RANBP2: variants seen among roughly 807,000 people sequenced by gnomAD.
The protein encoded by RANBP2 is RAN binding protein 2, also known as E3 SUMO-protein ligase RanBP2.
A neutral mutation model predicts 303.6 loss-of-function variants in RANBP2; 57 were observed. The ratio of observed to expected loss-of-function variants is 0.19; its 90% confidence interval spans 0.15 to 0.23. The LOEUF is 0.23. Among genes scored for constraint, RANBP2 ranks in the 10% least tolerant of loss-of-function variants. The pLI is 1.00. For synonymous variants in RANBP2, 1,167 were observed against 1,301.5 expected (o/e 0.90, Z 2.23); for missense variants, 3,138 against 3,780.8 (o/e 0.83, Z 4.46).
the RANBP2 span, among the ~76,000 whole-genome samples, chr2:109,583,500 G>A: frequency 4.6e-4 from 70 of 152,256 alleles, no homozygotes; most frequent in Non-Finnish European, 7.1e-4. Flanking sequence ...AGATACTGGC[G>A]GGGCTGTAGA....
intron 6 of RANBP2, among the ~76,000 whole-genome samples, chr2:108,737,684 G>A (rs1695716907): frequency 6.6e-6 from 1 of 150,792 alleles, no homozygotes. Context: ...GAATAGGTGG[G>A]ACTACAGGTG....
chr2:109,508,922 C>T, the RANBP2 span, among the ~76,000 whole-genome samples: 11 of 152,148 alleles, frequency 7.2e-5, no homozygotes, highest in East Asian at 1.7e-3. Context: ...AAGCCCGGGA[C>T]GGGGGGATGC....
chr2:109,395,189 G>A, the RANBP2 span, among the ~76,000 whole-genome samples: 1 of 152,260 alleles, frequency 6.6e-6, no homozygotes, highest in African/African-American at 2.4e-5. Context: ...ATGCCTGTGT[G>A]AGTATGGCAA....
chr2:108,791,886 T>C, the RANBP2 span: 8 of 1,331,894 alleles, frequency 6.0e-6, no homozygotes, highest in African/African-American at 4.5e-5. Flanking sequence ...GTAATAACAC[T>C]GGCCCCCAAG....
the RANBP2 span, among the ~76,000 whole-genome samples, chr2:109,536,052 T>TG: frequency 0.069 from 6,073 of 87,488 alleles, 203 homozygotes; most frequent in African/African-American, 0.14. Flanking sequence ...TGGGTGGGGG[T>TG]GGGGGGGGGG....
At chr2:109,437,232 T>A in the RANBP2 span, 11 of 1,487,260 alleles carry the variant, frequency 7.4e-6, no homozygotes, top group Non-Finnish European at 9.9e-6. Context: ...GGCCCAAGGC[T>A]CCAGCAGTGC....
At chr2:109,206,655 AT>A in the RANBP2 span, among the ~76,000 whole-genome samples, 1 of 151,998 alleles carries the variant, frequency 6.6e-6, no homozygotes, top group African/African-American at 2.4e-5. Flanking sequence ...CAAAAAAAAA[AT>A]TTTTTTTAAA....
chr2:109,370,401 G>A, the RANBP2 span, among the ~76,000 whole-genome samples: 24 of 152,022 alleles, frequency 1.6e-4, no homozygotes, highest in African/African-American at 5.1e-4. Context: ...CACCATGCCC[G>A]GCTTATTTTT....
the RANBP2 span, among the ~76,000 whole-genome samples, chr2:109,189,318 A>G: frequency 2.7e-5 from 4 of 148,846 alleles, no homozygotes; most frequent in African/African-American, 9.9e-5. Context: ...GACACCCCCC[A>G]CCATCTACCA....
chr2:109,341,927 A>C, the RANBP2 span, among the ~76,000 whole-genome samples: 1 of 152,186 alleles, frequency 6.6e-6, no homozygotes, highest in Non-Finnish European at 1.5e-5. Context: ...TCTGACAGAC[A>C]AAAGAAGCAG....
the RANBP2 span, among the ~76,000 whole-genome samples, chr2:108,791,041 C>A: frequency 6.6e-6 from 1 of 152,152 alleles, no homozygotes; most frequent in Non-Finnish European, 1.5e-5. Flanking sequence ...AGATCACAGG[C>A]GTGAGCCACC....
the RANBP2 span, chr2:109,437,163 C>T: frequency 1.3e-6 from 2 of 1,598,616 alleles, no homozygotes; most frequent in South Asian, 1.1e-5. Flanking sequence ...TCACAGGGGC[C>T]TCACCCTGCA....
the RANBP2 span, among the ~76,000 whole-genome samples, chr2:109,322,371 A>G: frequency 6.6e-6 from 1 of 152,208 alleles, no homozygotes; most frequent in Non-Finnish European, 1.5e-5. Flanking sequence ...AAATGTTCCC[A>G]CAGGCAGACT....
At chr2:109,521,569 G>T in the RANBP2 span, among the ~76,000 whole-genome samples, 15,518 of 152,182 alleles carry the variant, frequency 0.1, 1,416 homozygotes, top group East Asian at 0.24. Context: ...GCATGCTCGC[G>T]GTCCCGAGAT....
rs1677126873 is a variant in RANBP2, at chr2:108,766,437, C to T, written c.5898C>T (p.Pro1966=). Residue 1966 remains proline, a synonymous_variant, in exon 20 of 29, where the codon CCC becomes CCT. Coordinates refer to ENST00000283195, the MANE Select transcript of RANBP2 (RefSeq NM_006267.5). ...GATTTCAGTTTGGCAAAAAAGACCC[C>T]AATTTCAAGGGATTTTCAGGTGCTG... ...GEGFQFGKKD[P]NFKGFSGAGE... 6.2e-7 allele frequency: 1 copy of T among 1,611,848 alleles called. No homozygotes were observed. Among genetic ancestry groups the T allele is most frequent in the East Asian group, 2.2e-5 (1 of 44,874 alleles).
the RANBP2 span, among the ~76,000 whole-genome samples, chr2:108,887,596 G>A: frequency 2.6e-5 from 4 of 151,950 alleles, no homozygotes; most frequent in South Asian, 2.1e-4. Context: ...CCACTTCCTT[G>A]GTTAAATTTA....
At chr2:108,923,775 C>T in the RANBP2 span, among the ~76,000 whole-genome samples, 9 of 152,240 alleles carry the variant, frequency 5.9e-5, no homozygotes, top group Non-Finnish European at 1.0e-4. Context: ...TGTGCCCCCA[C>T]ATGTAGGGCC....
chr2:109,655,190 T>C, the RANBP2 span, among the ~76,000 whole-genome samples: 2 of 152,136 alleles, frequency 1.3e-5, no homozygotes, highest in Non-Finnish European at 2.9e-5. Flanking sequence ...CATGAGCCAC[T>C]GCACCCGGCT....
At chr2:109,710,278 A>C in the RANBP2 span, among the ~76,000 whole-genome samples, 1 of 151,596 alleles carries the variant, frequency 6.6e-6, no homozygotes, top group Non-Finnish European at 1.5e-5. Context: ...GCTACTCGGG[A>C]GGCTGAGGTG....
Sources: gnomAD v4.1 joint callset for allele counts (sites outside exome capture counted in the v4.1 genomes callset) on GRCh38, gnomAD v4.1.1 for gene constraint, MANE v1.5 for transcripts, NCBI Gene and HGNC (gene_info 2026-07-23, HGNC 2026-07-21) for gene names.